The following RNF169 variants were observed in gnomAD, a reference collection of about 807,000 sequenced individuals.
RNF169 encodes the protein E3 ubiquitin-protein ligase RNF169.
In RNF169, 24 loss-of-function variants were observed where a neutral mutation model predicts 53.9. The ratio of observed to expected loss-of-function variants is 0.45; its 90% CI spans 0.32 to 0.63. The LOEUF (loss-of-function observed/expected upper bound fraction) is 0.63. Ranked by LOEUF, RNF169 falls within the 20% of genes least tolerant of loss-of-function variation. The pLI, the probability that RNF169 is intolerant of heterozygous loss-of-function variation, is 0.04. For missense variants in RNF169, 883 were observed against 906.2 expected (o/e 0.97, Z 0.33); for synonymous variants, 396 against 363.5 (o/e 1.09, Z -1.02).
chr11:74,768,600 CTG>C (rs1182726114), intron 1 of RNF169, among the ~76,000 whole-genome samples: 2 of 145,458 alleles, frequency 1.4e-5, no homozygotes, highest in Non-Finnish European at 3.0e-5. Context: ...GAGCTAGACT[CTG>C]TCTTAAAAAA....
In RNF169 at chr11:74,835,718, A is replaced by G. The variant is rs1237352449; in HGVS notation, c.1115A>G (p.Asn372Ser). The G allele has an allele frequency of 1.2e-6, 2 of 1,614,038 alleles. No individual in the cohort carries two copies. Among genetic ancestry groups the G allele is most frequent in the African/African-American group, 1.3e-5 (1 of 74,902 alleles). The change falls in exon 6 of 6, where the codon AAT becomes AGT. Residue 372 changes from asparagine (N) to serine (S), a missense_variant. Transcript: ENST00000299563. ...KPERSVSPESNDSISEELNHF... is the reference protein window; with the variant it reads ...KPERSVSPESSDSISEELNHF... ...GAGCGTTCTGTCAGCCCTGAGAGCA[A>G]TGACAGCATCTCCGAAGAACTAAAC... is the stretch of plus-strand genomic sequence containing the variant.
intron 2 of RNF169, among the ~76,000 whole-genome samples, chr11:74,796,127 A>G (rs2035646474): frequency 6.6e-6 from 1 of 152,206 alleles, no homozygotes; most frequent in South Asian, 2.1e-4. Flanking sequence ...TGTTTATAAG[A>G]CTTAAATCTG....
chr11:74,749,091 T>C lies in RNF169; in HGVS notation c.211T>C (p.Cys71Arg). Residue 71 changes from cysteine (C) to arginine (R), a missense_variant, in exon 1 of 6, where the codon TGC becomes CGC. By Grantham distance (180) the Cys-to-Arg change is radical. This residue lies in a region of RNF169 where 313 missense variants were observed against 279.9 expected (regional missense o/e 1.12). Coordinates refer to ENST00000299563, the MANE Select transcript of RNF169 (RefSeq NM_001098638.2). ...PRPEESGCAG[C>R]LEPPGEAAAL... is the part of the protein sequence containing the mutation. Reference sequence around the variant, plus strand: ...GCCGGAGGAATCGGGCTGCGCCGGGTGCCTGGAGCCCCCCGGAGAAGCAGC... The same window carrying C: ...GCCGGAGGAATCGGGCTGCGCCGGGCGCCTGGAGCCCCCCGGAGAAGCAGC... The C allele has an allele frequency of 2.1e-6, 3 of 1,439,556 alleles. No individual in the cohort carries two copies. Among genetic ancestry groups the C allele is most frequent in the South Asian group, 1.4e-5 (1 of 73,302 alleles). 89.2% of individuals were successfully genotyped at this position (1,439,556 alleles called of 1,614,324 possible).
intron 1 of RNF169, among the ~76,000 whole-genome samples, chr11:74,780,650 A>G (rs552423686): frequency 2.6e-5 from 4 of 152,344 alleles, no homozygotes; most frequent in Non-Finnish European, 2.9e-5. Context: ...TGAAAATCTT[A>G]TCTTCTCCAC....
intron 2 of RNF169, among the ~76,000 whole-genome samples, chr11:74,791,960 GGCT>G (rs1181268091): frequency 6.6e-6 from 1 of 152,250 alleles, no homozygotes; most frequent in African/African-American, 2.4e-5. Flanking sequence ...ACTCCAGGCA[GGCT>G]GCTGCTGCCA....
chr11:74,789,924 TCA>T (rs2035556946), intron 2 of RNF169, among the ~76,000 whole-genome samples: 1 of 152,214 alleles, frequency 6.6e-6, no homozygotes. Context: ...AAGACGTAGT[TCA>T]CAGAGCCTGT....
At chr11:74,826,829 C>T (rs139532666) in intron 4 of RNF169, among the ~76,000 whole-genome samples, 1 of 152,330 alleles carries the variant, frequency 6.6e-6, no homozygotes, top group Non-Finnish European at 1.5e-5. Context: ...CACACTGGTG[C>T]AAGAGGTGGG....
intron 1 of RNF169, among the ~76,000 whole-genome samples, chr11:74,787,246 C>T (rs1260688111): frequency 2.0e-5 from 3 of 151,974 alleles, no homozygotes; most frequent in African/African-American, 7.2e-5. Flanking sequence ...TAAACAAAGT[C>T]AACACAATTG....
chr11:74,761,674 G>T (rs2035084938), intron 1 of RNF169, among the ~76,000 whole-genome samples: 1 of 152,206 alleles, frequency 6.6e-6, no homozygotes, highest in Non-Finnish European at 1.5e-5. Context: ...TTTCTGCCGA[G>T]AGATCCGCTG....
Position 74,749,371 on chromosome 11 carries a change from C to T in RNF169, c.491C>T (p.Pro164Leu), listed in dbSNP as rs756831157. ...CCAGAGCAGGAGCCGCGTGCCGCGC[C>T]TGCGGAGCCAGGTGGAGCTTCCCCA... Reference protein sequence around the residue: ...PRPEQEPRAAPAEPDFIFRAP... With the variant: ...PRPEQEPRAALAEPDFIFRAP... The change falls in exon 1 of 6, where the codon CCT (proline) becomes CTT (leucine). Residue 164 changes from proline to leucine, a missense_variant. Pro to Leu is a moderately conservative substitution (Grantham distance 98). Transcript: ENST00000299563. 5 of 1,244,358 alleles carry T rather than the reference C, an allele frequency of 4.0e-6. No individual in the cohort carries two copies. Among genetic ancestry groups the T allele is most frequent in the Non-Finnish European group, 5.0e-6 (5 of 991,296 alleles). 77.1% of individuals were successfully genotyped at this position (1,244,358 alleles called of 1,614,324 possible). A position where few individuals can be genotyped will look rare whatever the true frequency, so the allele number is the denominator to read the frequency against.
Position 74,835,967 on chromosome 11 carries a change from T to G in RNF169, c.1364T>G (p.Leu455Arg). The G allele has an allele frequency of 6.2e-7, 1 of 1,614,234 alleles. No individual in the cohort carries two copies. Among genetic ancestry groups the G allele is most frequent in the Non-Finnish European group, 8.5e-7 (1 of 1,180,042 alleles). Residue 455 changes from leucine to arginine, a missense_variant, in exon 6 of 6, where the codon CTG (leucine) becomes CGG (arginine). Transcript: ENST00000299563. Reference sequence around the variant, plus strand: ...CTTTCAAAAGCCACTCTTACCTCTCTGGCTCCTGAAATGGGGGAAGAGTTA... The same window carrying G: ...CTTTCAAAAGCCACTCTTACCTCTCGGGCTCCTGAAATGGGGGAAGAGTTA... The part of the protein sequence containing the change: ...KTLSKATLTS[L>R]APEMGEELLG...
chr11:74,833,110 A>C (rs924480797), intron 4 of RNF169, among the ~76,000 whole-genome samples: 4 of 152,218 alleles, frequency 2.6e-5, no homozygotes, highest in African/African-American at 4.8e-5. Flanking sequence ...CTATGTGGCC[A>C]TAAGATATAG....
At chr11:74,771,994 G>T (rs2035267347) in intron 1 of RNF169, among the ~76,000 whole-genome samples, 1 of 152,122 alleles carries the variant, frequency 6.6e-6, no homozygotes, top group African/African-American at 2.4e-5. Flanking sequence ...TCCAAAGACA[G>T]TCCGAAACAC....
At chr11:74,795,823 C>T (rs1465970384) in intron 2 of RNF169, among the ~76,000 whole-genome samples, 2 of 152,302 alleles carry the variant, frequency 1.3e-5, no homozygotes, top group Non-Finnish European at 2.9e-5. Flanking sequence ...CATCACTGCA[C>T]TCCATCCTGG....
intron 2 of RNF169, among the ~76,000 whole-genome samples, chr11:74,805,967 C>T (rs2035798310): frequency 6.6e-6 from 1 of 151,950 alleles, no homozygotes; most frequent in East Asian, 1.9e-4. Context: ...CGAGCGACAG[C>T]TGTACTAAGA....
At chr11:74,791,753 C>G (rs1031185221) in intron 2 of RNF169, among the ~76,000 whole-genome samples, 2 of 152,208 alleles carry the variant, frequency 1.3e-5, no homozygotes, top group African/African-American at 4.8e-5. Context: ...ATCCTGGGCC[C>G]CCAAGAGCAC....
At chr11:74,814,016 G>T (rs541718801) in intron 3 of RNF169, among the ~76,000 whole-genome samples, 119 of 151,754 alleles carry the variant, frequency 7.8e-4, no homozygotes, top group African/African-American at 2.8e-3. Flanking sequence ...ACCTGTTTTA[G>T]TTCATCTTAA....
At chr11:74,784,326 A>G (rs2035457582) in intron 1 of RNF169, among the ~76,000 whole-genome samples, 1 of 152,210 alleles carries the variant, frequency 6.6e-6, no homozygotes, top group African/African-American at 2.4e-5. Context: ...CATGTGTTGT[A>G]TGTGTGTGTT....
At chr11:74,761,296 A>G (rs1353551054) in intron 1 of RNF169, among the ~76,000 whole-genome samples, 3 of 146,362 alleles carry the variant, frequency 2.0e-5, no homozygotes, top group African/African-American at 7.7e-5. Context: ...TAATTGGAGA[A>G]TTTAGTCCAT....
Sources: allele counts gnomAD v4.1 joint callset (sites outside exome capture counted in the v4.1 genomes callset), GRCh38; gene constraint gnomAD v4.1.1; regional missense constraint gnomAD v4.1.1; transcripts MANE v1.5; gene names NCBI Gene and HGNC (gene_info 2026-07-23, HGNC 2026-07-21).